The following ABLIM1 variants were observed in gnomAD, a reference collection of about 807,000 sequenced individuals.
ABLIM1 encodes the protein actin binding LIM protein 1, also known as actin-binding LIM protein 1.
In ABLIM1, 40 loss-of-function variants were observed where a neutral mutation model predicts 107.0. The observed-to-expected ratio is 0.37, with a 90% CI of 0.29 to 0.49. The LOEUF is 0.49. Among genes scored for constraint, ABLIM1 ranks in the 20% least tolerant of loss-of-function variants. The pLI is 0.97. For missense variants in ABLIM1, 857 were observed against 1,008.5 expected (o/e 0.85, Z 2.04); for synonymous variants, 357 against 357.3 (o/e 1.00, Z 0.01).
chr10:114,495,081 C>T (rs1234383597), intron 6 of ABLIM1, among the ~76,000 whole-genome samples: 1 of 152,148 alleles, frequency 6.6e-6, no homozygotes, highest in African/African-American at 2.4e-5. Flanking sequence ...AGAGAGAAGA[C>T]AGCGAGAATA....
chr10:114,520,555 T>A (rs904736443), intron 6 of ABLIM1, among the ~76,000 whole-genome samples: 1 of 151,990 alleles, frequency 6.6e-6, no homozygotes, highest in African/African-American at 2.4e-5. Flanking sequence ...TGGATTAAAG[T>A]GCCATGTGAC....
intron 1 of ABLIM1, chr10:114,690,533 A>T (rs2081053315): frequency 7.3e-7 from 1 of 1,361,920 alleles, no homozygotes. Flanking sequence ...CCAGAACACG[A>T]AGGTTTTCTG....
chr10:114,687,751 GC>G (rs1185229218), upstream of ABLIM1, among the ~76,000 whole-genome samples: 1 of 152,140 alleles, frequency 6.6e-6, no homozygotes, highest in African/African-American at 2.4e-5. Context: ...TTTAAACTAA[GC>G]AGAAGAGACA....
chr10:114,743,638 TG>T (rs2082328493), intron 1 of ABLIM1, among the ~76,000 whole-genome samples: 1 of 152,214 alleles, frequency 6.6e-6, no homozygotes, highest in Non-Finnish European at 1.5e-5. Flanking sequence ...AAAACTTTTC[TG>T]GGGAAGTTAC....
At chr10:114,709,313 G>T (rs2081493420) in intron 1 of ABLIM1, among the ~76,000 whole-genome samples, 1 of 152,154 alleles carries the variant, frequency 6.6e-6, no homozygotes, top group Non-Finnish European at 1.5e-5. Flanking sequence ...AACAAGGTTT[G>T]AATCGTATAA....
At chr10:114,768,154 C>A (rs1166740382), upstream of ABLIM1, 7 of 306,136 alleles carry the variant, frequency 2.3e-5, no homozygotes, top group Non-Finnish European at 4.7e-5. Flanking sequence ...CCGGAGCGCC[C>A]GCCCGGCCCC....
At chr10:114,588,473 CTTTTTCTTTCTTTCTTTTTTTT>C (rs1191000773) in intron 2 of ABLIM1, among the ~76,000 whole-genome samples, 2 of 132,976 alleles carry the variant, frequency 1.5e-5, no homozygotes, top group African/African-American at 2.8e-5. Flanking sequence ...TCCTTTTTTT[CTTTTTCTTTCTTTCTTTTTTTT>C]TTTTTTTTTT....
Position 114,559,438 on chromosome 10 carries a change from C to CAA in ABLIM1, c.674-11664_674-11663dup, listed in dbSNP as rs72456292. 1.4e-3 allele frequency among the ~76,000 whole-genome samples: 71 copies of CAA among 49,252 alleles called. 1 individual carries two copies. The highest frequency in any genetic ancestry group is 5.0e-3 in the East Asian group (8 of 1,596). 32.3% of individuals were successfully genotyped at this position (49,252 alleles called of 152,430 possible). A position where few individuals can be genotyped will look rare whatever the true frequency, so the allele number is the denominator to read the frequency against. ...GACAACATAGCAAAAACTCGTCTCT[C>CAA]AAAAAAAAAAAAAAAAAAAAAAAAG... is the stretch of plus-strand genomic sequence containing the variant. On this transcript the variant is annotated intron_variant, in intron 4 of 22. Coordinates refer to ENST00000533213, the MANE Select transcript of ABLIM1 (RefSeq NM_002313.7).
chr10:114,757,329 A>G (rs2082652300), intron 1 of ABLIM1, among the ~76,000 whole-genome samples: 1 of 152,214 alleles, frequency 6.6e-6, no homozygotes, highest in Non-Finnish European at 1.5e-5. Context: ...TGATGATCTC[A>G]GGCAAGTTTC....
chr10:114,556,145 C>T (rs1213600420), intron 4 of ABLIM1, among the ~76,000 whole-genome samples: 1 of 152,072 alleles, frequency 6.6e-6, no homozygotes, highest in Non-Finnish European at 1.5e-5. Context: ...GTCATCTATC[C>T]TGTCATTCAT....
intron 6 of ABLIM1, among the ~76,000 whole-genome samples, chr10:114,519,128 C>T (rs148136461): frequency 6.6e-6 from 1 of 152,090 alleles, no homozygotes; most frequent in African/African-American, 2.4e-5. Context: ...AAGAGGCAGC[C>T]TGGGGGAGGT....
upstream of ABLIM1, among the ~76,000 whole-genome samples, chr10:114,660,662 C>G (rs17092249): frequency 0.012 from 1,900 of 152,266 alleles, 34 homozygotes; most frequent in African/African-American, 0.042. Flanking sequence ...TTAATTCTTT[C>G]TTGCTGGGTT....
intron 2 of ABLIM1, among the ~76,000 whole-genome samples, chr10:114,576,058 A>C (rs932912821): frequency 2.6e-5 from 4 of 151,942 alleles, no homozygotes; most frequent in African/African-American, 7.3e-5. Context: ...ATTTTTTCAC[A>C]CTCTGGAACT....
chr10:114,567,436 A>G (rs2138608128), intron 4 of ABLIM1, among the ~76,000 whole-genome samples: 1 of 152,326 alleles, frequency 6.6e-6, no homozygotes, highest in South Asian at 2.1e-4. Flanking sequence ...AATAATGTAA[A>G]CCAGTTACAC....
chr10:114,683,572 G>A, intron 1 of ABLIM1, among the ~76,000 whole-genome samples: 1 of 152,146 alleles, frequency 6.6e-6, no homozygotes, highest in East Asian at 1.9e-4. Flanking sequence ...GAGAAGAGTG[G>A]CGAGATTGGA....
At chr10:114,703,458 G>C (rs929290626) in intron 1 of ABLIM1, among the ~76,000 whole-genome samples, 1 of 152,142 alleles carries the variant, frequency 6.6e-6, no homozygotes, top group African/African-American at 2.4e-5. Context: ...TGAAGCAAAT[G>C]GTAGGCATAA....
chr10:114,549,780 C>A (rs1044855182), intron 4 of ABLIM1, among the ~76,000 whole-genome samples: 3 of 151,998 alleles, frequency 2.0e-5, no homozygotes, highest in Admixed American at 6.6e-5. Flanking sequence ...ATGGGCTGTT[C>A]AAAAGAACGA....
chr10:114,709,126 T>C (rs1008128323), intron 1 of ABLIM1, among the ~76,000 whole-genome samples: 1 of 152,196 alleles, frequency 6.6e-6, no homozygotes, highest in African/African-American at 2.4e-5. Context: ...ATTGTGGAAA[T>C]GATTTCTAGA....
intron 1 of ABLIM1, among the ~76,000 whole-genome samples, chr10:114,734,065 G>T (rs773364708): frequency 1.3e-5 from 2 of 151,834 alleles, no homozygotes; most frequent in Non-Finnish European, 2.9e-5. Context: ...TCGCCATGTT[G>T]GTCAGGCTGG....
Sources: allele counts gnomAD v4.1 joint callset (sites outside exome capture counted in the v4.1 genomes callset), GRCh38; gene constraint gnomAD v4.1.1; transcripts MANE v1.5; gene names NCBI Gene and HGNC (gene_info 2026-07-23, HGNC 2026-07-21).